SGMS1: variants seen among roughly 807,000 people sequenced by gnomAD.
SGMS1 encodes phosphatidylcholine:ceramide cholinephosphotransferase 1.
Under a neutral mutation model 46.2 loss-of-function variants are expected in SGMS1, and 13 were observed. The observed-to-expected ratio is 0.28, with a 90% confidence interval of 0.18 to 0.45. SGMS1 has a LOEUF of 0.45. Among genes scored for constraint, SGMS1 ranks in the 20% least tolerant of loss-of-function variants. The pLI, the probability that SGMS1 is intolerant of heterozygous loss-of-function variation, is 1.00. For synonymous variants in SGMS1, 203 were observed against 187.8 expected (o/e 1.08, Z -0.66); for missense variants, 324 against 519.9 (o/e 0.62, Z 3.66).
At chr10:50,433,960 A>G (rs114262047) in intron 5 of SGMS1, among the ~76,000 whole-genome samples, 1 of 152,098 alleles carries the variant, frequency 6.6e-6, no homozygotes, top group African/African-American at 2.4e-5. Flanking sequence ...CGAGACACCA[A>G]ATGATTTCTT....
chr10:50,578,193 G>C (rs1431961636), intron 2 of SGMS1, among the ~76,000 whole-genome samples: 1 of 152,212 alleles, frequency 6.6e-6, no homozygotes, highest in East Asian at 1.9e-4. Flanking sequence ...CTGATGGTCT[G>C]AGCTTGAATG....
intron 3 of SGMS1, among the ~76,000 whole-genome samples, chr10:50,468,805 A>T (rs922629959): frequency 2.0e-4 from 30 of 152,384 alleles, no homozygotes; most frequent in African/African-American, 6.7e-4. Context: ...AAGAAAATAA[A>T]ATATCTACCT....
In SGMS1 at chr10:50,428,322, T is replaced by A. The variant is rs142345863; in HGVS notation, c.-232+5154A>T. 3.7e-3 allele frequency among the ~76,000 whole-genome samples: 557 copies of A among 152,244 alleles called. 3 individuals carry two copies. Among genetic ancestry groups the A allele is most frequent in the African/African-American group, 0.013 (528 of 41,542 alleles). ...AGGCCATACCTATTAAAGTGTCTTC[T>A]CAGAAATGACACAAATTATTGTCAC... On this transcript the variant is annotated intron_variant, in intron 6 of 10. Transcript: ENST00000361781.
intron 3 of SGMS1, among the ~76,000 whole-genome samples, chr10:50,472,524 G>A (rs971266808): frequency 6.6e-6 from 1 of 152,090 alleles, no homozygotes; most frequent in Non-Finnish European, 1.5e-5. Flanking sequence ...TTTAAAGGGT[G>A]AATAGTATTG....
intron 1 of SGMS1, among the ~76,000 whole-genome samples, chr10:50,598,471 T>A (rs1406744176): frequency 6.6e-6 from 1 of 152,214 alleles, no homozygotes; most frequent in African/African-American, 2.4e-5. Context: ...TTTAAGTTTT[T>A]AAAATTTAAA....
intron 4 of SGMS1, among the ~76,000 whole-genome samples, chr10:50,462,961 G>A (rs745505232): frequency 4.0e-5 from 6 of 151,842 alleles, no homozygotes; most frequent in Admixed American, 6.6e-5. Flanking sequence ...GAAAAGATGG[G>A]GGTGGTGAAG....
intron 1 of SGMS1, among the ~76,000 whole-genome samples, chr10:50,605,934 T>C (rs1004882669): frequency 1.3e-5 from 2 of 152,218 alleles, no homozygotes; most frequent in African/African-American, 4.8e-5. Context: ...CATTATCTAT[T>C]GTTCCACTCT....
At chr10:50,340,071 G>C (rs1847788994) in intron 7 of SGMS1, among the ~76,000 whole-genome samples, 1 of 152,180 alleles carries the variant, frequency 6.6e-6, no homozygotes, top group Non-Finnish European at 1.5e-5. Context: ...AATGCCACTG[G>C]CCAGATACGA....
At chr10:50,329,884 T>C (rs1847591384) in intron 7 of SGMS1, among the ~76,000 whole-genome samples, 1 of 152,218 alleles carries the variant, frequency 6.6e-6, no homozygotes, top group Admixed American at 6.5e-5. Context: ...CGTTTATCTA[T>C]TTTTCTCCCA....
At chr10:50,543,129 C>T (rs1838070747) in intron 2 of SGMS1, among the ~76,000 whole-genome samples, 2 of 152,090 alleles carry the variant, frequency 1.3e-5, no homozygotes, top group South Asian at 4.1e-4. Flanking sequence ...TGACTTTGTG[C>T]AGAGCAATGA....
At chr10:50,407,881 C>G (rs1849039142) in intron 6 of SGMS1, among the ~76,000 whole-genome samples, 1 of 151,294 alleles carries the variant, frequency 6.6e-6, no homozygotes, top group Non-Finnish European at 1.5e-5. Flanking sequence ...GCCTTAATAT[C>G]TATTTTTTTT....
intron 1 of SGMS1, among the ~76,000 whole-genome samples, chr10:50,606,540 GA>G (rs1838695869): frequency 6.6e-6 from 1 of 152,286 alleles, no homozygotes; most frequent in East Asian, 1.9e-4. Context: ...TGGAATAGTA[GA>G]AATATTTTAA....
chr10:50,622,439 G>A (rs1440463529), intron 1 of SGMS1, among the ~76,000 whole-genome samples: 4 of 152,154 alleles, frequency 2.6e-5, no homozygotes, highest in Non-Finnish European at 5.9e-5. Flanking sequence ...GGAGTTCACA[G>A]CACAGCACAT....
chr10:50,568,454 C>T (rs1409633316), intron 2 of SGMS1, among the ~76,000 whole-genome samples: 1 of 152,222 alleles, frequency 6.6e-6, no homozygotes, highest in Non-Finnish European at 1.5e-5. Flanking sequence ...CCTTCCTTCA[C>T]TATGTCTAAG....
intron 1 of SGMS1, among the ~76,000 whole-genome samples, chr10:50,597,611 A>G (rs186809356): frequency 2.0e-5 from 3 of 152,330 alleles, no homozygotes; most frequent in Admixed American, 1.3e-4. Context: ...TTCAGGAGGA[A>G]AGAGGATTTA....
At chr10:50,598,633 C>T (rs909436084) in intron 1 of SGMS1, among the ~76,000 whole-genome samples, 2 of 151,932 alleles carry the variant, frequency 1.3e-5, no homozygotes, top group Admixed American at 6.6e-5. Flanking sequence ...GGACAGGAGA[C>T]CATCAGGAGT....
At chr10:50,624,640 C>G, upstream of SGMS1, 2 of 985,464 alleles carry the variant, frequency 2.0e-6, no homozygotes, top group African/African-American at 3.5e-5. Flanking sequence ...CGGCGAAAAC[C>G]CGGAGAGCGG....
intron 2 of SGMS1, among the ~76,000 whole-genome samples, chr10:50,578,297 C>T (rs1838402772): frequency 6.6e-6 from 1 of 152,174 alleles, no homozygotes; most frequent in African/African-American, 2.4e-5. Flanking sequence ...TGCGGGAATG[C>T]CCTTTGTGGG....
intron 6 of SGMS1, among the ~76,000 whole-genome samples, chr10:50,355,570 C>T (rs1848129203): frequency 1.3e-5 from 2 of 152,218 alleles, no homozygotes; most frequent in African/African-American, 4.8e-5. Flanking sequence ...CTCGCTCACT[C>T]AGTGCTCAAT....
Sources: allele counts gnomAD v4.1 joint callset (sites outside exome capture counted in the v4.1 genomes callset), GRCh38; gene constraint gnomAD v4.1.1; transcripts MANE v1.5; gene names NCBI Gene and HGNC (gene_info 2026-07-23, HGNC 2026-07-21).